The following SGCZ variants were observed in gnomAD, a reference collection of about 807,000 sequenced individuals.
SGCZ encodes the protein zeta-sarcoglycan.
SGCZ carries 40 observed loss-of-function variants against 41.3 expected under a neutral mutation model. The observed-to-expected ratio is 0.97, with a 90% CI of 0.75 to 1.26. SGCZ has a LOEUF of 1.26. Ranked by LOEUF, SGCZ falls within the 50% of genes most tolerant of loss-of-function variation. The probability of loss-of-function intolerance (pLI) is 0.00; values close to 1 mark genes in which losing one functional copy is unlikely to be tolerated. For synonymous variants in SGCZ, 206 were observed against 137.5 expected (o/e 1.50, Z -3.49); for missense variants, 552 against 369.8 (o/e 1.49, Z -4.04).
chr8:15,007,492 G>A (rs938392492), intron 1 of SGCZ, among the ~76,000 whole-genome samples: 1 of 152,216 alleles, frequency 6.6e-6, no homozygotes, highest in Non-Finnish European at 1.5e-5. Context: ...CACGGTCTAT[G>A]AGCCACAAAC....
intron 2 of SGCZ, among the ~76,000 whole-genome samples, chr8:14,439,519 A>G (rs931405649): frequency 6.6e-6 from 1 of 151,778 alleles, no homozygotes; most frequent in Non-Finnish European, 1.5e-5. Flanking sequence ...ATAAGTACAG[A>G]CCCAACAATC....
intron 2 of SGCZ, among the ~76,000 whole-genome samples, chr8:14,437,578 C>A (rs2117356910): frequency 6.6e-6 from 1 of 151,854 alleles, no homozygotes; most frequent in South Asian, 2.1e-4. Flanking sequence ...TATTATTTTT[C>A]AACAAAGAAA....
intron 1 of SGCZ, among the ~76,000 whole-genome samples, chr8:14,896,354 T>A (rs535187205): frequency 6.6e-6 from 1 of 152,314 alleles, no homozygotes; most frequent in African/African-American, 2.4e-5. Context: ...ACATAATGCC[T>A]AATGGCACTG....
chr8:14,158,124 C>G (rs889003814), intron 5 of SGCZ, among the ~76,000 whole-genome samples: 1 of 151,728 alleles, frequency 6.6e-6, no homozygotes, highest in African/African-American at 2.4e-5. Flanking sequence ...TCATCAAAAC[C>G]CTATGTGGTA....
intron 1 of SGCZ, among the ~76,000 whole-genome samples, chr8:14,860,577 AAAAG>A (rs913547606): frequency 4.7e-4 from 72 of 151,708 alleles, no homozygotes; most frequent in Admixed American, 9.9e-4. Context: ...AAAGAAAAGA[AAAAG>A]AAAGAAAGAA....
intron 1 of SGCZ, among the ~76,000 whole-genome samples, chr8:14,766,006 A>C (rs1369024494): frequency 6.7e-6 from 1 of 148,642 alleles, no homozygotes. Flanking sequence ...ACTGTCGACC[A>C]GGCTGGAGTA....
intron 1 of SGCZ, among the ~76,000 whole-genome samples, chr8:14,770,977 C>G (rs573532859): frequency 6.6e-6 from 1 of 152,170 alleles, no homozygotes; most frequent in African/African-American, 2.4e-5. Flanking sequence ...AGAAAAATAG[C>G]TTTTACATAA....
At chr8:15,214,212 A>C (rs1277044925) in intron 1 of SGCZ, among the ~76,000 whole-genome samples, 1 of 152,096 alleles carries the variant, frequency 6.6e-6, no homozygotes, top group Non-Finnish European at 1.5e-5. Flanking sequence ...CCATAATATA[A>C]AATTATTTTC....
rs1806410791 is a variant in SGCZ at position 14,227,423 on chromosome 8, C to T, written c.424+10169G>A. Among the ~76,000 whole-genome samples the T allele has an allele frequency of 2.6e-5, 4 of 151,944 alleles. No individual in the cohort carries two copies. In the South Asian group the frequency reaches 8.3e-4, roughly 32 times the overall value. On this transcript the variant is annotated intron_variant, in intron 4 of 7. Coordinates refer to ENST00000382080, the MANE Select transcript of SGCZ (RefSeq NM_139167.4). ...GAAAACAAAACAGCTAATATGTGAC[C>T]TCAGAATCAAAATAAGCCATGACAA...
chr8:15,039,049 C>T (rs1458222264), intron 1 of SGCZ, among the ~76,000 whole-genome samples: 3 of 151,986 alleles, frequency 2.0e-5, no homozygotes, highest in Admixed American at 2.0e-4. Flanking sequence ...ATTAGTATGG[C>T]CACTATGGAA....
chr8:14,999,575 C>T (rs910132851), intron 1 of SGCZ, among the ~76,000 whole-genome samples: 4 of 152,110 alleles, frequency 2.6e-5, no homozygotes, highest in African/African-American at 9.7e-5. Context: ...GAGACAGAGG[C>T]TGGAAAATTA....
intron 1 of SGCZ, among the ~76,000 whole-genome samples, chr8:15,173,808 T>C (rs1799919139): frequency 6.6e-6 from 1 of 152,198 alleles, no homozygotes; most frequent in South Asian, 2.1e-4. Flanking sequence ...GGTGTGATCA[T>C]GGCTCACTGC....
intron 1 of SGCZ, among the ~76,000 whole-genome samples, chr8:14,895,672 C>T (rs1399889089): frequency 3.3e-5 from 5 of 152,124 alleles, no homozygotes; most frequent in African/African-American, 1.2e-4. Context: ...TAATTTTTAA[C>T]TTCTACTAAA....
At chr8:14,680,780 G>A (rs890079240) in intron 1 of SGCZ, among the ~76,000 whole-genome samples, 8 of 148,162 alleles carry the variant, frequency 5.4e-5, no homozygotes, top group Non-Finnish European at 5.9e-5. Flanking sequence ...CTGGTGAGGA[G>A]AGATACAGAC....
At chr8:14,630,348 G>T (rs1414233318) in intron 1 of SGCZ, among the ~76,000 whole-genome samples, 2 of 151,922 alleles carry the variant, frequency 1.3e-5, no homozygotes, top group African/African-American at 4.8e-5. Flanking sequence ...GAGAGAGATG[G>T]CAAAACACTT....
chr8:14,329,842 T>A (rs1802250939), intron 2 of SGCZ, among the ~76,000 whole-genome samples: 1 of 148,822 alleles, frequency 6.7e-6, no homozygotes. Context: ...TTTTTTGTTT[T>A]GGTTTGTTTG....
chr8:14,851,043 C>T (rs1016674401), intron 1 of SGCZ, among the ~76,000 whole-genome samples: 1 of 151,984 alleles, frequency 6.6e-6, no homozygotes, highest in Admixed American at 6.6e-5. Flanking sequence ...TAGAGTATGA[C>T]ATTTAGTCTG....
At chr8:14,911,314 A>G (rs888094370) in intron 1 of SGCZ, among the ~76,000 whole-genome samples, 2 of 152,030 alleles carry the variant, frequency 1.3e-5, no homozygotes, top group African/African-American at 4.8e-5. Context: ...ATTCTGACTG[A>G]TTTACTGATC....
At chr8:15,200,075 C>A (rs1417057177) in intron 1 of SGCZ, among the ~76,000 whole-genome samples, 4 of 152,158 alleles carry the variant, frequency 2.6e-5, no homozygotes, top group African/African-American at 9.7e-5. Flanking sequence ...TAGGAAAATT[C>A]TTTAACCAAA....
Sources: allele counts gnomAD v4.1 joint callset (sites outside exome capture counted in the v4.1 genomes callset), GRCh38; gene constraint gnomAD v4.1.1; transcripts MANE v1.5; gene names NCBI Gene and HGNC (gene_info 2026-07-23, HGNC 2026-07-21).